The following GRID2 variants were observed in gnomAD, a reference collection of about 807,000 sequenced individuals.
GRID2 encodes the protein glutamate ionotropic receptor delta type subunit 2, also known as glutamate receptor ionotropic, delta-2.
GRID2 carries 33 observed loss-of-function variants against 114.8 expected under a neutral mutation model. The ratio of observed to expected loss-of-function variants is 0.29; its 90% CI spans 0.22 to 0.38. The LOEUF is 0.38. Among genes scored for constraint, GRID2 ranks in the 10% least tolerant of loss-of-function variants. The pLI is 1.00. For missense variants in GRID2, 1,184 were observed against 1,257.7 expected, an observed-to-expected ratio of 0.94 and a Z score of 0.89; for synonymous variants, 505 against 449.9, an observed-to-expected ratio of 1.12 and a Z score of -1.55.
intron 2 of GRID2, among the ~76,000 whole-genome samples, chr4:92,988,652 G>A (rs1270892460): frequency 1.3e-5 from 2 of 151,970 alleles, no homozygotes; most frequent in Non-Finnish European, 2.9e-5. Context: ...TTATAGACAC[G>A]AAAAAGATTG....
At position 92,812,503 on chromosome 4, in the gene GRID2, T is replaced by C. The variant is rs79264949; in HGVS notation, c.244+222217T>C. The stretch of plus-strand genomic sequence containing the variant: ...AAACCATACATCATATAAATGCAAA[T>C]TTTACATGTATATTTTCATTACACT... On this transcript the variant is annotated intron_variant, in intron 2 of 15. Coordinates refer to ENST00000282020, the MANE Select transcript of GRID2 (RefSeq NM_001510.4). 7.2e-3 allele frequency among the ~76,000 whole-genome samples: 1,098 copies of C among 152,130 alleles called. 9 individuals carry two copies. The highest frequency in any genetic ancestry group is 0.025 in the African/African-American group (1,048 of 41,534).
chr4:93,792,397 C>A (rs1461700685), intron 1 of GRID2, among the ~76,000 whole-genome samples: 1 of 152,094 alleles, frequency 6.6e-6, no homozygotes, highest in Non-Finnish European at 1.5e-5. Context: ...TCTCACTAAG[C>A]CACTTTCTTC....
intron 13 of GRID2, among the ~76,000 whole-genome samples, chr4:93,566,118 C>A (rs1456478804): frequency 1.3e-5 from 2 of 152,000 alleles, no homozygotes; most frequent in South Asian, 2.1e-4. Flanking sequence ...CTGGCACAAG[C>A]GAAGAACCCA....
intron 4 of GRID2, among the ~76,000 whole-genome samples, chr4:93,174,511 C>G (rs996000342): frequency 3.9e-5 from 6 of 152,140 alleles, no homozygotes; most frequent in South Asian, 4.2e-4. Flanking sequence ...TCCCAAAATT[C>G]ATATGTTGAA....
chr4:93,579,706 G>C (rs72670651), intron 13 of GRID2, among the ~76,000 whole-genome samples: 3,613 of 152,182 alleles, frequency 0.024, 60 homozygotes, highest in East Asian at 0.067. Flanking sequence ...CAGTGAGCCT[G>C]CATTTGTTTA....
intron 2 of GRID2, among the ~76,000 whole-genome samples, chr4:92,809,978 A>G (rs2149378195): frequency 6.6e-6 from 1 of 152,164 alleles, no homozygotes; most frequent in Admixed American, 6.6e-5. Flanking sequence ...ATTTTTGAAA[A>G]TATAGTATTT....
intron 1 of GRID2, among the ~76,000 whole-genome samples, chr4:92,573,029 T>C (rs1436782119): frequency 6.6e-6 from 1 of 151,394 alleles, no homozygotes; most frequent in Non-Finnish European, 1.5e-5. Context: ...AAGCATTCCG[T>C]TTCTTCCTGG....
intron 13 of GRID2, among the ~76,000 whole-genome samples, chr4:93,518,514 A>G (rs541811707): frequency 4.7e-4 from 71 of 152,162 alleles, no homozygotes; most frequent in Non-Finnish European, 8.7e-4. Context: ...CAAGCAGTAC[A>G]TTAGTCACTG....
At chr4:92,445,016 T>C (rs1216677542) in intron 1 of GRID2, among the ~76,000 whole-genome samples, 1 of 152,194 alleles carries the variant, frequency 6.6e-6, no homozygotes, top group Admixed American at 6.5e-5. Context: ...ATTAGGCAAC[T>C]GTAGCAGACA....
intron 1 of GRID2, among the ~76,000 whole-genome samples, chr4:92,405,716 CA>C (rs59410809): frequency 0.34 from 47,661 of 139,070 alleles, 7,716 homozygotes; most frequent in African/African-American, 0.42. Flanking sequence ...TTCAGTAATA[CA>C]AAAAAAAAAA....
intron 2 of GRID2, among the ~76,000 whole-genome samples, chr4:92,998,168 A>G (rs1030405012): frequency 6.6e-6 from 1 of 152,108 alleles, no homozygotes. Context: ...GAAACTAGGC[A>G]AACATTGAAA....
At chr4:92,999,803 T>C (rs1252025372) in intron 2 of GRID2, among the ~76,000 whole-genome samples, 1 of 151,692 alleles carries the variant, frequency 6.6e-6, no homozygotes, top group Non-Finnish European at 1.5e-5. Context: ...AGATTGCTGA[T>C]ACATGCTGTC....
rs896341133 is a variant in GRID2 at position 92,415,540 on chromosome 4, T to A, written c.88+110796T>A. ...AGGTTTAGCATCCTCATACCTTAGCTCTTGCTTATAAGTGAGAACATATGA... is the reference window on the plus strand; with the variant it reads ...AGGTTTAGCATCCTCATACCTTAGCACTTGCTTATAAGTGAGAACATATGA... On this transcript the variant is annotated intron_variant, in intron 1 of 15. Coordinates refer to ENST00000282020, the MANE Select transcript of GRID2 (RefSeq NM_001510.4). Among the ~76,000 whole-genome samples the A allele has an allele frequency of 2.6e-5, 4 of 151,462 alleles. No individual in the cohort carries two copies. The East Asian group carries it at 7.8e-4, about 30-fold the overall frequency.
chr4:93,597,823 G>C (rs1025380523), intron 13 of GRID2, among the ~76,000 whole-genome samples: 11 of 152,180 alleles, frequency 7.2e-5, no homozygotes, highest in African/African-American at 2.7e-4. Flanking sequence ...CCAAATGTTA[G>C]TCACTTAGTT....
In GRID2 at chr4:92,370,082, CAT is replaced by C. The variant is rs1022774986; in HGVS notation, c.88+65339_88+65340del. ...TCTATTGGCATAATTTTACCAACAA[CAT>C]GTGCTCACTTCATGTCTCTGTGTCA... is the stretch of plus-strand genomic sequence containing the variant. On this transcript the variant is annotated intron_variant, in intron 1 of 15. Transcript: ENST00000282020. 7.9e-5 allele frequency among the ~76,000 whole-genome samples: 12 copies of C among 152,160 alleles called. No homozygotes were observed. The East Asian group carries it at 9.7e-4, about 12-fold the overall frequency.
chr4:92,653,660 TATGCTGTA>T (rs1471466426), intron 2 of GRID2, among the ~76,000 whole-genome samples: 1 of 152,108 alleles, frequency 6.6e-6, no homozygotes, highest in Non-Finnish European at 1.5e-5. Context: ...GGACCTATTG[TATGCTGTA>T]CTTGCTGGAT....
At chr4:93,030,384 C>CTT (rs1297982756) in intron 2 of GRID2, among the ~76,000 whole-genome samples, 11 of 140,892 alleles carry the variant, frequency 7.8e-5, no homozygotes, top group Admixed American at 2.2e-4. Context: ...AGAGCTGCAT[C>CTT]TTTTTTTTTT....
At chr4:92,690,623 T>G (rs1734140037) in intron 2 of GRID2, among the ~76,000 whole-genome samples, 13 of 152,152 alleles carry the variant, frequency 8.5e-5, no homozygotes, top group Admixed American at 8.5e-4. Context: ...CAAAAAACAA[T>G]ATCCGTGGCA....
At chr4:93,724,791 T>A (rs190200985) in intron 14 of GRID2, among the ~76,000 whole-genome samples, 1 of 152,092 alleles carries the variant, frequency 6.6e-6, no homozygotes, top group African/African-American at 2.4e-5. Context: ...TTTGTTGTTG[T>A]TGTTTTGAGA....
Sources: allele counts gnomAD v4.1 joint callset (sites outside exome capture counted in the v4.1 genomes callset), GRCh38; gene constraint gnomAD v4.1.1; transcripts MANE v1.5; gene names NCBI Gene and HGNC (gene_info 2026-07-23, HGNC 2026-07-21).